PRKCI: variants seen among roughly 807,000 people sequenced by gnomAD.
PRKCI encodes protein kinase C iota, also known as protein kinase C iota type.
PRKCI carries 43 observed loss-of-function variants against 84.0 expected under a neutral mutation model. The observed-to-expected ratio is 0.51, with a 90% CI of 0.40 to 0.66. The LOEUF (loss-of-function observed/expected upper bound fraction) is 0.66. PRKCI is among the 30% of genes least tolerant of loss of function. The pLI is 0.00. For missense variants in PRKCI, 459 were observed against 745.6 expected (o/e 0.62, Z 4.48); for synonymous variants, 216 against 234.4 (o/e 0.92, Z 0.72).
At chr3:170,295,120 G>A (rs1227389368) in intron 14 of PRKCI, among the ~76,000 whole-genome samples, 4 of 152,016 alleles carry the variant, frequency 2.6e-5, no homozygotes, top group Non-Finnish European at 5.9e-5. Context: ...GCTCAGGCAG[G>A]AGAATCACTT....
At position 170,299,090 on chromosome 3, in the gene PRKCI, C is replaced by G; in HGVS notation, c.1683C>G (p.Val561=). Residue 561 remains valine (V), a synonymous_variant, in exon 17 of 18, where the codon GTC becomes GTG. Coordinates refer to ENST00000295797, the MANE Select transcript of PRKCI (RefSeq NM_002740.6). ...NFDSQFTNEP[V]QLTPDDDDIV... is the part of the protein sequence containing the mutation. ...ATTCTCAGTTTACTAATGAACCTGT[C>G]CAGCTCACTCCAGATGACGAGTAAG... is the stretch of plus-strand genomic sequence containing the variant. 6.3e-7 allele frequency: 1 copy of G among 1,595,542 alleles called. No homozygotes were observed. The highest frequency in any genetic ancestry group is 8.5e-7 in the Non-Finnish European group (1 of 1,173,296).
intron 10 of PRKCI, chr3:170,281,549 A>G (rs1278432683): frequency 2.5e-6 from 1 of 403,374 alleles, no homozygotes; most frequent in Non-Finnish European, 4.4e-6. Context: ...TTTATGACTT[A>G]AAATTTTCTA....
chr3:170,268,060 TGAAA>T (rs1355325222), intron 5 of PRKCI, 60 bp downstream of exon 5: 1 of 1,351,478 alleles, frequency 7.4e-7, no homozygotes, highest in East Asian at 2.3e-5. Context: ...CTTTCTACTA[TGAAA>T]GAAAGGTAGT....
At chr3:170,291,752 A>G (rs898385786) in intron 12 of PRKCI, 102 bp from the exon 13 acceptor site, 5 of 815,176 alleles carry the variant, frequency 6.1e-6, no homozygotes, top group Non-Finnish European at 1.0e-5. Flanking sequence ...AGCTTAATGT[A>G]TCACTGCAGA....
At chr3:170,282,740 T>C (rs1298811286) in intron 11 of PRKCI, among the ~76,000 whole-genome samples, 2 of 151,532 alleles carry the variant, frequency 1.3e-5, no homozygotes, top group Non-Finnish European at 2.9e-5. Context: ...TATATACTTC[T>C]GACTGTTCTT....
chr3:170,261,079 C>G (rs1035168414), intron 3 of PRKCI, among the ~76,000 whole-genome samples: 10 of 151,972 alleles, frequency 6.6e-5, no homozygotes, highest in Non-Finnish European at 2.9e-5. Flanking sequence ...ACCTCAGCCT[C>G]CTGAGTAACT....
intron 7 of PRKCI, among the ~76,000 whole-genome samples, chr3:170,273,854 G>T (rs1444199663): frequency 6.6e-6 from 1 of 151,606 alleles, no homozygotes; most frequent in Non-Finnish European, 1.5e-5. Flanking sequence ...ACTGTGGGCT[G>T]GGTGTGGTGG....
At chr3:170,258,791 C>T (rs78222436) in intron 2 of PRKCI, among the ~76,000 whole-genome samples, 1,859 of 152,262 alleles carry the variant, frequency 0.012, 18 homozygotes, top group Non-Finnish European at 0.019. Context: ...ACTTTTGTAG[C>T]TTTTCATTTC....
In PRKCI at chr3:170,235,323, C is replaced by G. The variant is rs747020297; in HGVS notation, c.195C>G (p.Leu65=). The change falls in exon 2 of 18, where the codon CTC becomes CTG. Residue 65 remains leucine (L), a synonymous_variant. Transcript: ENST00000295797. The part of the protein sequence containing the change: ...RDMCSFDNEQ[L]FTMKWIDEEG... ...TGTGTTCTTTTGACAACGAACAGCT[C>G]TTCACCATGAAATGGATAGATGAGG... 14 of 1,614,084 alleles carry G rather than the reference C, an allele frequency of 8.7e-6. No homozygotes were observed. Among genetic ancestry groups the G allele is most frequent in the Non-Finnish European group, 1.2e-5 (14 of 1,180,000 alleles).
chr3:170,231,208 G>A (rs1323125595), intron 1 of PRKCI, among the ~76,000 whole-genome samples: 1 of 151,800 alleles, frequency 6.6e-6, no homozygotes, highest in Non-Finnish European at 1.5e-5. Context: ...TGATCCATCT[G>A]CCTCGGCCTC....
At chr3:170,280,449 ATTC>A in intron 9 of PRKCI, 46 bp downstream of exon 9, 3 of 1,469,246 alleles carry the variant, frequency 2.0e-6, no homozygotes, top group Non-Finnish European at 2.7e-6. Context: ...TGAGAATACT[ATTC>A]TTTTTTTTTT....
chr3:170,286,226 C>T (rs1443600021), intron 12 of PRKCI, among the ~76,000 whole-genome samples: 1 of 151,956 alleles, frequency 6.6e-6, no homozygotes, highest in Non-Finnish European at 1.5e-5. Flanking sequence ...CATGCCCGGC[C>T]CTTACGTATT....
chr3:170,280,659 G>GGC (rs1434913420), intron 9 of PRKCI, among the ~76,000 whole-genome samples: 2 of 151,996 alleles, frequency 1.3e-5, no homozygotes, highest in Non-Finnish European at 2.9e-5. Flanking sequence ...ATGTTGGCCA[G>GGC]GCTGCTCTTG....
At chr3:170,226,193 A>G (rs1732623752) in intron 1 of PRKCI, among the ~76,000 whole-genome samples, 1 of 152,180 alleles carries the variant, frequency 6.6e-6, no homozygotes, top group Non-Finnish European at 1.5e-5. Flanking sequence ...GATTACAGGA[A>G]TGAGCCATCT....
chr3:170,260,760 A>G lies in PRKCI; in HGVS notation c.313+702A>G, dbSNP rs187644799. 8.1e-4 allele frequency among the ~76,000 whole-genome samples: 124 copies of G among 152,250 alleles called. 1 individual carries two copies. Among genetic ancestry groups the G allele is most frequent in the African/African-American group, 2.9e-3 (121 of 41,556 alleles). ...GAGCCACTGCACCAGGCCCATTTAC[A>G]TGATGCTTTAGAGACATTAATATGT... On this transcript the variant is annotated intron_variant, in intron 3 of 17. Coordinates refer to ENST00000295797, the MANE Select transcript of PRKCI (RefSeq NM_002740.6).
At chr3:170,233,819 C>T (rs1235331432) in intron 1 of PRKCI, among the ~76,000 whole-genome samples, 2 of 151,830 alleles carry the variant, frequency 1.3e-5, no homozygotes, top group South Asian at 4.1e-4. Context: ...CTCCTGGGTT[C>T]AAGCGGTTAT....
At chr3:170,262,502 A>G (rs1733751799) in intron 3 of PRKCI, among the ~76,000 whole-genome samples, 1 of 152,078 alleles carries the variant, frequency 6.6e-6, no homozygotes, top group Admixed American at 6.6e-5. Flanking sequence ...TGTTTCTGAG[A>G]TGGTGTCTCA....
intron 10 of PRKCI, 110 bp from the exon 11 acceptor site, chr3:170,281,772 T>G: frequency 7.1e-7 from 1 of 1,408,910 alleles, no homozygotes; most frequent in Middle Eastern, 2.6e-4. Context: ...TGGCATCTTT[T>G]TAAAGGCTAA....
At chr3:170,275,571 G>A (rs1010726976) in intron 8 of PRKCI, among the ~76,000 whole-genome samples, 1 of 152,016 alleles carries the variant, frequency 6.6e-6, no homozygotes, top group Non-Finnish European at 1.5e-5. Context: ...TGGTAGTATT[G>A]TTTAAAATAT....
Sources: gnomAD v4.1 joint callset for allele counts (sites outside exome capture counted in the v4.1 genomes callset) on GRCh38, gnomAD v4.1.1 for gene constraint, MANE v1.5 for transcripts, NCBI Gene and HGNC (gene_info 2026-07-23, HGNC 2026-07-21) for gene names.